EPHB1: variants seen among roughly 807,000 people sequenced by gnomAD.
EPHB1 encodes the protein ephrin type-B receptor 1.
EPHB1 carries 30 observed loss-of-function variants against 94.4 expected under a neutral mutation model. The ratio of observed to expected loss-of-function variants is 0.32; its 90% CI spans 0.24 to 0.43. The LOEUF is 0.43. Ranked by LOEUF, EPHB1 falls within the 20% of genes least tolerant of loss-of-function variation. The probability of loss-of-function intolerance (pLI) is 1.00; values close to 1 mark genes in which losing one functional copy is unlikely to be tolerated. For missense variants in EPHB1, 1,055 were observed against 1,308.3 expected, an observed-to-expected ratio of 0.81 and a Z score of 2.99; for synonymous variants, 522 against 489.1, an observed-to-expected ratio of 1.07 and a Z score of -0.89.
chr3:134,839,883 G>A (rs1010973026), intron 1 of EPHB1, among the ~76,000 whole-genome samples: 13 of 152,306 alleles, frequency 8.5e-5, no homozygotes, highest in African/African-American at 2.9e-4. Context: ...AAGGCTGAAT[G>A]TGACTTGATG....
rs141936050 is a variant in EPHB1, at chr3:134,959,099, T to C, written c.805+7047T>C. On this transcript the variant is annotated intron_variant, in intron 3 of 15. Transcript: ENST00000398015. ...TCCATGACTTAATATATATGTATTA[T>C]CAAAGATGATGACAGAGACATCATA... Among the ~76,000 whole-genome samples the C allele has an allele frequency of 1.1e-4, 16 of 152,302 alleles. 1 individual carries two copies. In the East Asian group the frequency reaches 2.9e-3, roughly 28 times the overall value.
intron 1 of EPHB1, among the ~76,000 whole-genome samples, chr3:134,834,512 C>A (rs911044680): frequency 3.9e-5 from 6 of 152,186 alleles, no homozygotes; most frequent in African/African-American, 1.4e-4. Context: ...CAGGGGCCAC[C>A]CTTGGGTCTT....
At chr3:134,884,356 A>C (rs980515728) in intron 1 of EPHB1, among the ~76,000 whole-genome samples, 1 of 152,220 alleles carries the variant, frequency 6.6e-6, no homozygotes, top group African/African-American at 2.4e-5. Context: ...CTATTACTTT[A>C]TTAAGCCTCA....
At chr3:135,143,207 CAAG>C (rs975293738) in intron 5 of EPHB1, among the ~76,000 whole-genome samples, 2 of 152,030 alleles carry the variant, frequency 1.3e-5, no homozygotes, top group African/African-American at 4.8e-5. Context: ...AAGTCAGAAT[CAAG>C]AAGAGGCCCA....
Position 134,864,385 on chromosome 3 carries a change from T to C in EPHB1, c.59-61431T>C, listed in dbSNP as rs114958652. On this transcript the variant is annotated intron_variant, in intron 1 of 15. Coordinates refer to ENST00000398015, the MANE Select transcript of EPHB1 (RefSeq NM_004441.5). ...CTCAAGAGGCAGCTTGCCTTCCCTCTGTCTGGATACCTGGGCACACACATT... is the reference window on the plus strand; with the variant it reads ...CTCAAGAGGCAGCTTGCCTTCCCTCCGTCTGGATACCTGGGCACACACATT... Among the ~76,000 whole-genome samples the C allele has an allele frequency of 6.8e-3, 1,042 of 152,336 alleles. 4 individuals carry two copies. Among genetic ancestry groups the C allele is most frequent in the Non-Finnish European group, 0.011 (774 of 68,030 alleles).
intron 3 of EPHB1, among the ~76,000 whole-genome samples, chr3:135,052,270 G>A (rs1285340953): frequency 6.6e-6 from 1 of 152,170 alleles, no homozygotes; most frequent in Non-Finnish European, 1.5e-5. Flanking sequence ...TCTGGTGTGT[G>A]TCGATTGAAT....
intron 1 of EPHB1, among the ~76,000 whole-genome samples, chr3:134,903,351 A>C: frequency 6.6e-6 from 1 of 152,116 alleles, no homozygotes; most frequent in East Asian, 1.9e-4. Flanking sequence ...CTGGCAAAAC[A>C]AGGGTGAGTG....
At chr3:135,089,789 G>A (rs1938492606) in intron 3 of EPHB1, among the ~76,000 whole-genome samples, 1 of 152,238 alleles carries the variant, frequency 6.6e-6, no homozygotes, top group African/African-American at 2.4e-5. Flanking sequence ...TTGCTCAGCA[G>A]TGCCTGCTGC....
chr3:135,197,127 AT>A (rs1316175353), intron 11 of EPHB1, among the ~76,000 whole-genome samples: 3 of 152,052 alleles, frequency 2.0e-5, no homozygotes, highest in South Asian at 4.2e-4. Context: ...GACAAAAAAA[AT>A]AATAATAAGC....
At chr3:135,190,423 A>G (rs1385115816) in intron 10 of EPHB1, among the ~76,000 whole-genome samples, 4 of 152,224 alleles carry the variant, frequency 2.6e-5, no homozygotes, top group South Asian at 4.1e-4. Context: ...CCATTAGTAT[A>G]CTTACCAAAT....
chr3:134,873,616 T>G (rs1406189744), intron 1 of EPHB1, among the ~76,000 whole-genome samples: 3 of 152,230 alleles, frequency 2.0e-5, no homozygotes, highest in African/African-American at 7.2e-5. Context: ...GGTCTTCTCC[T>G]TAGTTTGATT....
chr3:135,131,728 GT>G (rs1940425787), intron 4 of EPHB1, among the ~76,000 whole-genome samples: 1 of 152,158 alleles, frequency 6.6e-6, no homozygotes, highest in African/African-American at 2.4e-5. Flanking sequence ...AGGCATTTCA[GT>G]TTTTGCCAGA....
intron 1 of EPHB1, among the ~76,000 whole-genome samples, chr3:134,802,921 C>A (rs543960278): frequency 1.3e-5 from 2 of 152,262 alleles, no homozygotes; most frequent in South Asian, 4.2e-4. Flanking sequence ...ACTATAATGA[C>A]CCTGCTGGTG....
At chr3:135,227,667 G>A (rs1943433762) in intron 12 of EPHB1, among the ~76,000 whole-genome samples, 1 of 151,880 alleles carries the variant, frequency 6.6e-6, no homozygotes, top group Non-Finnish European at 1.5e-5. Context: ...ACATGTCTGT[G>A]CACTCGTATG....
At chr3:134,898,782 C>A (rs2038139655) in intron 1 of EPHB1, among the ~76,000 whole-genome samples, 1 of 152,160 alleles carries the variant, frequency 6.6e-6, no homozygotes, top group African/African-American at 2.4e-5. Context: ...GACATGGATC[C>A]AGCCTTCAGG....
chr3:135,181,954 A>G (rs1001845236), intron 10 of EPHB1, among the ~76,000 whole-genome samples: 2 of 152,214 alleles, frequency 1.3e-5, no homozygotes, highest in Non-Finnish European at 1.5e-5. Context: ...GTAGCATGAC[A>G]TAAAGACCTC....
rs1387986901 is a variant in EPHB1 at position 135,132,968 on chromosome 3, A to T, written c.1216A>T (p.Ile406Phe). The change falls in exon 5 of 16, where the codon ATC (isoleucine) becomes TTC (phenylalanine). Residue 406 changes from isoleucine to phenylalanine, a missense_variant. Transcript: ENST00000398015. ...GGCCCACACCCCCTACACCTTTGAC[A>T]TCCAGGCCATCAATGGAGTCTCCAG... Reference protein sequence around the residue: ...LWAHTPYTFDIQAINGVSSKS... With the variant: ...LWAHTPYTFDFQAINGVSSKS... 6.2e-7 allele frequency: 1 copy of T among 1,613,712 alleles called. No homozygotes were observed. The highest frequency in any genetic ancestry group is 8.5e-7 in the Non-Finnish European group (1 of 1,179,746).
At chr3:135,020,655 A>G (rs1198191797) in intron 3 of EPHB1, among the ~76,000 whole-genome samples, 1 of 152,182 alleles carries the variant, frequency 6.6e-6, no homozygotes, top group African/African-American at 2.4e-5. Context: ...ATTTTTATGT[A>G]TTGACTGTTT....
At chr3:135,235,749 G>A (rs542759349) in intron 12 of EPHB1, among the ~76,000 whole-genome samples, 12 of 152,288 alleles carry the variant, frequency 7.9e-5, no homozygotes, top group Middle Eastern at 3.4e-3. Context: ...TAGGCCTGGA[G>A]TGGCCATCTG....
Sources: allele counts gnomAD v4.1 joint callset (sites outside exome capture counted in the v4.1 genomes callset), GRCh38; gene constraint gnomAD v4.1.1; transcripts MANE v1.5; gene names NCBI Gene and HGNC (gene_info 2026-07-23, HGNC 2026-07-21).